The following USP31 variants were observed in gnomAD, a reference collection of about 807,000 sequenced individuals.
The protein encoded by USP31 is ubiquitin carboxyl-terminal hydrolase 31.
A neutral mutation model predicts 119.4 loss-of-function variants in USP31; 44 were observed. The ratio of observed to expected loss-of-function variants is 0.37; its 90% confidence interval spans 0.29 to 0.47. The LOEUF (loss-of-function observed/expected upper bound fraction) is 0.47. Among genes scored for constraint, USP31 ranks in the 20% least tolerant of loss-of-function variants. USP31 has a pLI of 0.99. For synonymous variants in USP31, 749 were observed against 705.6 expected, an observed-to-expected ratio of 1.06 and a Z score of -0.97; for missense variants, 1,643 against 1,730.2, an observed-to-expected ratio of 0.95 and a Z score of 0.89.
intron 11 of USP31, among the ~76,000 whole-genome samples, chr16:23,083,395 C>T (rs1022892431): frequency 3.3e-5 from 5 of 151,922 alleles, no homozygotes; most frequent in African/African-American, 1.2e-4. Context: ...TATGTTGGCC[C>T]CTGCTACTTC....
chr16:23,071,974 A>G, intron 15 of USP31, 71 bp downstream of exon 15: 1 of 1,541,048 alleles, frequency 6.5e-7, no homozygotes, highest in Non-Finnish European at 8.7e-7. Flanking sequence ...AGCTCCTAGG[A>G]AAAACACGAG....
At position 23,106,302 on chromosome 16, in the gene USP31, A is replaced by T; in HGVS notation, c.864T>A (p.Ser288=). The change falls in exon 4 of 16, where the codon TCT becomes TCA. Residue 288 remains serine, a synonymous_variant. Transcript: ENST00000219689. The part of the protein sequence containing the change: ...VQELFQAQYR[S]SLTCPHCQKQ... ...TCTGACAATGAGGACACGTCAAAGAAGATCTTCAAAACAAAAAGGTAAGAC... is the reference window on the plus strand; with the variant it reads ...TCTGACAATGAGGACACGTCAAAGATGATCTTCAAAACAAAAAGGTAAGAC... 1.9e-6 allele frequency: 3 copies of T among 1,614,188 alleles called. No individual in the cohort carries two copies. The highest frequency in any genetic ancestry group is 2.5e-6 in the Non-Finnish European group (3 of 1,180,026).
chr16:23,135,904 T>G (rs947233139), intron 1 of USP31, among the ~76,000 whole-genome samples: 1 of 152,188 alleles, frequency 6.6e-6, no homozygotes, highest in African/African-American at 2.4e-5. Context: ...ATTGAAGGAC[T>G]CACACTTCCT....
At chr16:23,098,060 A>G (rs1324863345) in intron 6 of USP31, among the ~76,000 whole-genome samples, 2 of 152,198 alleles carry the variant, frequency 1.3e-5, no homozygotes, top group African/African-American at 4.8e-5. Flanking sequence ...ACATGATTGT[A>G]TATCTAGAAA....
intron 12 of USP31, among the ~76,000 whole-genome samples, chr16:23,081,035 C>T (rs560099110): frequency 6.6e-6 from 1 of 152,236 alleles, no homozygotes; most frequent in East Asian, 1.9e-4. Flanking sequence ...AAAATCATTG[C>T]AACAGTGACC....
At chr16:23,111,591 A>C (rs774959710) in intron 1 of USP31, among the ~76,000 whole-genome samples, 2 of 152,208 alleles carry the variant, frequency 1.3e-5, no homozygotes, top group Non-Finnish European at 2.9e-5. Flanking sequence ...TGCTAAGGAC[A>C]AAGATTTGGA....
In USP31 at chr16:23,122,468, G is replaced by A. The variant is rs77731589; in HGVS notation, c.634-14285C>T. Among the ~76,000 whole-genome samples the A allele has an allele frequency of 9.4e-3, 1,434 of 152,134 alleles. 21 individuals carry two copies. The highest frequency in any genetic ancestry group is 0.032 in the African/African-American group (1,336 of 41,504). On this transcript the variant is annotated intron_variant, in intron 1 of 15. Coordinates refer to ENST00000219689, the MANE Select transcript of USP31 (RefSeq NM_020718.4). Reference sequence around the variant, plus strand: ...GCAATTCCATCTCTAAAATATACCCGAGGAACAAAAACATATCTCCACATA... The same window carrying A: ...GCAATTCCATCTCTAAAATATACCCAAGGAACAAAAACATATCTCCACATA...
At chr16:23,115,794 T>C in intron 1 of USP31, 1 of 983,742 alleles carries the variant, frequency 1.0e-6, no homozygotes, top group Non-Finnish European at 1.2e-6. Flanking sequence ...AATTTCTCCT[T>C]ACCCTTCAAA....
Position 23,106,481 on chromosome 16 carries a change from A to ATGG in USP31, c.775_777dup (p.Pro259dup), listed in dbSNP as rs982122889. On this transcript the variant is annotated inframe_insertion, in exon 3 of 16. Transcript: ENST00000219689. ...CCCTCAGGCATCATATCAGTCTCTG[A>ATGG]TGGTGGCTAAAAAAAAAAGAAAGTA... 1 of 1,605,606 alleles carries ATGG rather than the reference A, an allele frequency of 6.2e-7. No individual in the cohort carries two copies. The highest frequency in any genetic ancestry group is 1.3e-5 in the African/African-American group (1 of 74,350).
At chr16:23,136,653 C>CT (rs1903201145) in intron 1 of USP31, among the ~76,000 whole-genome samples, 1 of 76,334 alleles carries the variant, frequency 1.3e-5, no homozygotes, top group Admixed American at 1.5e-4. Flanking sequence ...GACTTCATCT[C>CT]AAAAAAAAAA....
intron 6 of USP31, 130 bp downstream of exon 6, chr16:23,102,189 T>TA: frequency 1.9e-6 from 2 of 1,043,596 alleles, no homozygotes; most frequent in East Asian, 5.7e-5. Flanking sequence ...ATACCATCAT[T>TA]AAAAAATCAT....
chr16:23,112,568 T>A (rs1023563426), intron 1 of USP31, among the ~76,000 whole-genome samples: 17 of 151,646 alleles, frequency 1.1e-4, no homozygotes, highest in African/African-American at 4.1e-4. Flanking sequence ...AGAGTGAAAC[T>A]CCATCTCAAT....
chr16:23,086,481 G>T (rs1901114706), intron 9 of USP31, among the ~76,000 whole-genome samples: 1 of 152,140 alleles, frequency 6.6e-6, no homozygotes, highest in Non-Finnish European at 1.5e-5. Context: ...GCAGAGTAGA[G>T]TGACTAATTC....
intron 1 of USP31, among the ~76,000 whole-genome samples, chr16:23,126,807 C>T (rs1168349073): frequency 3.3e-5 from 5 of 152,056 alleles, no homozygotes; most frequent in Admixed American, 6.5e-5. Flanking sequence ...GTTAGCGACA[C>T]GAAGAAAAGC....
chr16:23,115,285 A>C (rs140095803), intron 1 of USP31, among the ~76,000 whole-genome samples: 18 of 152,308 alleles, frequency 1.2e-4, no homozygotes, highest in African/African-American at 3.6e-4. Flanking sequence ...AGTTTTGAAA[A>C]AGTTGATTAT....
intron 15 of USP31, among the ~76,000 whole-genome samples, chr16:23,070,103 C>T (rs926219381): frequency 2.0e-5 from 3 of 152,214 alleles, no homozygotes; most frequent in Admixed American, 6.5e-5. Flanking sequence ...GCAAGTGTGA[C>T]GATTAAATAC....
intron 2 of USP31, among the ~76,000 whole-genome samples, chr16:23,107,388 G>C (rs950968659): frequency 2.0e-5 from 3 of 152,198 alleles, no homozygotes; most frequent in African/African-American, 7.2e-5. Flanking sequence ...TCATATGACA[G>C]AATAGAGTGT....
chr16:23,089,110 T>C (rs545746360), intron 7 of USP31, among the ~76,000 whole-genome samples: 1 of 152,336 alleles, frequency 6.6e-6, no homozygotes, highest in East Asian at 1.9e-4. Context: ...TGAAGGGAAT[T>C]CCACAGGTTC....
chr16:23,143,625 T>G (rs1313492611), intron 1 of USP31, among the ~76,000 whole-genome samples: 1 of 150,278 alleles, frequency 6.7e-6, no homozygotes, highest in East Asian at 2.0e-4. Context: ...GCGCGAGAGA[T>G]AACAAGGTAA....
Sources: gnomAD v4.1 joint callset for allele counts (sites outside exome capture counted in the v4.1 genomes callset) on GRCh38, gnomAD v4.1.1 for gene constraint, MANE v1.5 for transcripts, NCBI Gene and HGNC (gene_info 2026-07-23, HGNC 2026-07-21) for gene names.